Variants in RASSF3 observed in about 807,000 individuals in gnomAD.
The protein encoded by RASSF3 is ras association domain-containing protein 3.
RASSF3 carries 19 observed loss-of-function variants against 19.9 expected under a neutral mutation model. That is an observed-to-expected ratio of 0.96 (90% CI 0.67 to 1.40). The LOEUF (loss-of-function observed/expected upper bound fraction) is 1.40. Among genes scored for constraint, RASSF3 ranks in the 40% most tolerant of loss-of-function variants. RASSF3 has a pLI of 0.00. For synonymous variants in RASSF3, 110 were observed against 104.2 expected, an observed-to-expected ratio of 1.06 and a Z score of -0.34; for missense variants, 306 against 289.8, an observed-to-expected ratio of 1.06 and a Z score of -0.41.
chr12:64,518,669 T>C (rs1868410026), intron 1 of RASSF3, among the ~76,000 whole-genome samples: 1 of 152,264 alleles, frequency 6.6e-6, no homozygotes, highest in South Asian at 2.1e-4. Context: ...AGAAGCATTG[T>C]ATACTTGATT....
At chr12:64,548,511 G>A (rs758765486) in intron 2 of RASSF3, among the ~76,000 whole-genome samples, 6 of 152,112 alleles carry the variant, frequency 3.9e-5, no homozygotes, top group African/African-American at 1.2e-4. Flanking sequence ...TTCTTTTGGT[G>A]CATTTCTTAC....
chr12:64,536,962 G>A (rs1269545383), intron 1 of RASSF3, among the ~76,000 whole-genome samples: 2 of 152,212 alleles, frequency 1.3e-5, no homozygotes, highest in Non-Finnish European at 2.9e-5. Flanking sequence ...TTTACTTCAA[G>A]GCGAGGTCTC....
chr12:64,688,413 C>A lies in RASSF3; in HGVS notation c.417C>A (p.Ala139=). Residue 139 remains alanine, a synonymous_variant, in exon 3 of 5, where the codon GCC becomes GCA. Coordinates refer to ENST00000542104, the MANE Select transcript of RASSF3 (RefSeq NM_178169.4). The stretch of plus-strand genomic sequence containing the variant: ...AGTTTCTCGTGACTGAGAGCCCTGC[C>A]AAGTTTGCACTTTATAAGCGTTGTC... ...LKKFLVTESP[A]KFALYKRCHR... 6.2e-7 allele frequency: 1 copy of A among 1,614,142 alleles called. No homozygotes were observed. Among genetic ancestry groups the A allele is most frequent in the Non-Finnish European group, 8.5e-7 (1 of 1,179,990 alleles).
At chr12:64,646,713 T>A (rs890056403) in intron 1 of RASSF3, among the ~76,000 whole-genome samples, 2 of 151,844 alleles carry the variant, frequency 1.3e-5, no homozygotes, top group African/African-American at 4.8e-5. Flanking sequence ...AACCTCATAC[T>A]TCAAAAGGGA....
intron 1 of RASSF3, among the ~76,000 whole-genome samples, chr12:64,612,156 G>C (rs1471992654): frequency 1.3e-5 from 2 of 152,040 alleles, no homozygotes; most frequent in Non-Finnish European, 2.9e-5. Flanking sequence ...ACCCTCCCTG[G>C]GTTGTAGAAA....
chr12:64,636,118 C>T (rs760887827), intron 1 of RASSF3, among the ~76,000 whole-genome samples: 5 of 136,678 alleles, frequency 3.7e-5, no homozygotes, highest in South Asian at 4.8e-4. Flanking sequence ...TTATAACTTA[C>T]GGTTTTTTTT....
chr12:64,619,928 C>T (rs1278722936), intron 1 of RASSF3, among the ~76,000 whole-genome samples: 4 of 147,572 alleles, frequency 2.7e-5, no homozygotes, highest in Non-Finnish European at 5.9e-5. Flanking sequence ...TGTGGTGAGC[C>T]GAGATTGCGC....
At chr12:64,559,831 A>G (rs922804499) in intron 2 of RASSF3, among the ~76,000 whole-genome samples, 2 of 152,134 alleles carry the variant, frequency 1.3e-5, no homozygotes, top group African/African-American at 2.4e-5. Flanking sequence ...TCTGATTCCA[A>G]AGTTTTCCAC....
intron 1 of RASSF3, among the ~76,000 whole-genome samples, chr12:64,655,678 AAAAC>A (rs1342325440): frequency 6.6e-6 from 1 of 152,158 alleles, no homozygotes; most frequent in Non-Finnish European, 1.5e-5. Flanking sequence ...GATAAAAACC[AAAAC>A]AAACAAAAAA....
chr12:64,648,032 C>G (rs1871802656), intron 1 of RASSF3, among the ~76,000 whole-genome samples: 1 of 152,200 alleles, frequency 6.6e-6, no homozygotes, highest in Admixed American at 6.5e-5. Flanking sequence ...TGGTACCAGC[C>G]TTTGTGTAGC....
At chr12:64,590,362 G>T (rs1716487) in intron 2 of RASSF3, among the ~76,000 whole-genome samples, 58,729 of 151,976 alleles carry the variant, frequency 0.39, 12,241 homozygotes, top group Non-Finnish European at 0.46. Flanking sequence ...ACAGTAAACA[G>T]TAAAAACATT....
intron 1 of RASSF3, among the ~76,000 whole-genome samples, chr12:64,641,782 G>A (rs1316228561): frequency 6.7e-6 from 1 of 150,088 alleles, no homozygotes. Context: ...CGCCCTTGTT[G>A]CCCAGGCTAG....
At chr12:64,565,025 C>T (rs1869406277) in intron 2 of RASSF3, among the ~76,000 whole-genome samples, 1 of 151,956 alleles carries the variant, frequency 6.6e-6, no homozygotes, top group East Asian at 2.0e-4. Flanking sequence ...AGGTGATCCA[C>T]CTGCCTCAGC....
At chr12:64,668,100 C>CATA (rs1161643976) in intron 1 of RASSF3, among the ~76,000 whole-genome samples, 2 of 152,088 alleles carry the variant, frequency 1.3e-5, no homozygotes, top group African/African-American at 4.8e-5. Flanking sequence ...GCATCTATAC[C>CATA]ATGGGGTTAA....
chr12:64,563,527 T>C lies in RASSF3; in HGVS notation c.294+21822T>C, dbSNP rs1349378873. Among the ~76,000 whole-genome samples, 3 of 152,188 alleles carry C rather than the reference T, an allele frequency of 2.0e-5. 1 individual carries two copies. The highest frequency in any genetic ancestry group is 4.1e-4 in the South Asian group (2 of 4,834). The stretch of plus-strand genomic sequence containing the variant: ...TCTGATGTTAAAATCCCTACTTCCC[T>C]AAAGTAAAATCCACATGCTTTACCA... On this transcript the variant is annotated intron_variant, in intron 2 of 5. Coordinates refer to the RASSF3 transcript ENST00000637125.
intron 1 of RASSF3, among the ~76,000 whole-genome samples, chr12:64,515,121 A>G (rs1378684902): frequency 6.6e-6 from 1 of 151,868 alleles, no homozygotes; most frequent in East Asian, 1.9e-4. Flanking sequence ...CAATGCTGCA[A>G]TCTCTGCTCA....
chr12:64,558,565 A>G (rs535731921), intron 2 of RASSF3, among the ~76,000 whole-genome samples: 1 of 152,266 alleles, frequency 6.6e-6, no homozygotes, highest in East Asian at 1.9e-4. Context: ...AGCCCGGTAA[A>G]ATGTGAGAAA....
At chr12:64,622,620 G>T in intron 1 of RASSF3, 1 of 384,738 alleles carries the variant, frequency 2.6e-6, no homozygotes, top group Non-Finnish European at 5.1e-6. Flanking sequence ...GCTTGTTGAA[G>T]CCTAAGTAGA....
intron 1 of RASSF3, among the ~76,000 whole-genome samples, chr12:64,663,496 A>G (rs938654837): frequency 6.6e-6 from 1 of 151,816 alleles, no homozygotes; most frequent in Non-Finnish European, 1.5e-5. Flanking sequence ...AGCTTATTCT[A>G]TGCAGTTTAC....
Sources: allele counts gnomAD v4.1 joint callset (sites outside exome capture counted in the v4.1 genomes callset), GRCh38; gene constraint gnomAD v4.1.1; transcripts MANE v1.5; gene names NCBI Gene and HGNC (gene_info 2026-07-23, HGNC 2026-07-21).